Variants in PHYH observed in about 807,000 individuals in gnomAD.
The protein encoded by PHYH is phytanoyl-CoA dioxygenase, peroxisomal.
Under a neutral mutation model 38.5 loss-of-function variants are expected in PHYH, and 32 were observed. The ratio of observed to expected loss-of-function variants is 0.83; its 90% CI spans 0.63 to 1.12. PHYH has a LOEUF of 1.12. Among genes scored for constraint, PHYH ranks in the 50% most tolerant of loss-of-function variants. The pLI, the probability that PHYH is intolerant of heterozygous loss-of-function variation, is 0.00. For synonymous variants in PHYH, 166 were observed against 157.9 expected, an observed-to-expected ratio of 1.05 and a Z score of -0.38; for missense variants, 426 against 434.8, an observed-to-expected ratio of 0.98 and a Z score of 0.18.
At chr10:13,282,895 C>T (rs781133596) in intron 7 of PHYH, among the ~76,000 whole-genome samples, 3 of 152,038 alleles carry the variant, frequency 2.0e-5, no homozygotes, top group Non-Finnish European at 4.4e-5. Context: ...ACTTGTCCCA[C>T]CCTAATCCTG....
intron 2 of PHYH, among the ~76,000 whole-genome samples, chr10:13,296,211 C>A (rs1009285694): frequency 2.6e-5 from 4 of 151,660 alleles, no homozygotes; most frequent in Admixed American, 6.6e-5. Context: ...AGGAAACGTT[C>A]ATGCTCTTCA....
chr10:13,289,499 G>A (rs1435695104), intron 5 of PHYH, among the ~76,000 whole-genome samples: 1 of 152,116 alleles, frequency 6.6e-6, no homozygotes, highest in Non-Finnish European at 1.5e-5. Context: ...CCGGCCTTGT[G>A]CTTTATTCTT....
At chr10:13,298,365 G>A (rs564010152) in intron 1 of PHYH, 120 bp from the exon 2 acceptor site, 7 of 655,790 alleles carry the variant, frequency 1.1e-5, no homozygotes, top group South Asian at 4.5e-5. Context: ...TCAGGAGTTC[G>A]AGACCAGCCT....
Position 13,277,993 on chromosome 10 carries a change from G to A in PHYH, c.*308C>T, listed in dbSNP as rs1835327188. 2.7e-6 allele frequency: 1 copy of A among 373,020 alleles called. No homozygotes were observed. Among genetic ancestry groups the A allele is most frequent in the Non-Finnish European group, 5.1e-6 (1 of 197,006 alleles). 23.1% of individuals were successfully genotyped at this position (373,020 alleles called of 1,614,324 possible). A position where few individuals can be genotyped will look rare whatever the true frequency, so the allele number is the denominator to read the frequency against. ...GCTCCAAATCATTCACTTCTTCTTGGGTAAAGAGCTAACTGAATGAAAGAA... is the reference window on the plus strand; with the variant it reads ...GCTCCAAATCATTCACTTCTTCTTGAGTAAAGAGCTAACTGAATGAAAGAA... On this transcript the variant is annotated 3_prime_UTR_variant, in exon 9 of 9. Transcript: ENST00000263038.
intron 7 of PHYH, 35 bp downstream of exon 7, chr10:13,283,655 A>T (rs1835471196): frequency 6.2e-7 from 1 of 1,608,442 alleles, no homozygotes; most frequent in South Asian, 1.1e-5. Context: ...TCTAACCCAC[A>T]CTTCTGCAGC....
In PHYH at chr10:13,288,526, C is replaced by A. The variant is rs752028596; in HGVS notation, c.512G>T (p.Arg171Leu). The change falls in exon 6 of 9, where the codon CGT (arginine) becomes CTT (leucine). Residue 171 changes from arginine to leucine, a missense_variant. Transcript: ENST00000263038. Reference protein sequence around the residue: ...KPPDSGKKTSRHPLHQDLHYF... With the variant: ...KPPDSGKKTSLHPLHQDLHYF... ...GTGCAGGTCCTGGTGCAGGGGGTGA[C>A]GGGACGTCTTCTTGCCTGAAAAGAA... The A allele has an allele frequency of 6.2e-7, 1 of 1,614,042 alleles. No individual in the cohort carries two copies. The highest frequency in any genetic ancestry group is 8.5e-7 in the Non-Finnish European group (1 of 1,180,012).
rs368465384 is a variant in PHYH at position 13,289,720 on chromosome 10, T to A, written c.497-1179A>T. Among the ~76,000 whole-genome samples, 38 of 151,058 alleles carry A rather than the reference T, an allele frequency of 2.5e-4. No individual in the cohort carries two copies. The East Asian group carries it at 5.7e-3, about 23-fold the overall frequency. Reference sequence around the variant, plus strand: ...GCTGAGGCAGGCAGCTCTCTTGAGGTCAGGAATTTGAGACCAGCCTGGCCA... The same window carrying A: ...GCTGAGGCAGGCAGCTCTCTTGAGGACAGGAATTTGAGACCAGCCTGGCCA... On this transcript the variant is annotated intron_variant, in intron 5 of 8. Transcript: ENST00000263038.
At position 13,278,219 on chromosome 10, in the gene PHYH, T is replaced by A; in HGVS notation, c.*82A>T. 1 of 909,884 alleles carries A rather than the reference T, an allele frequency of 1.1e-6. No homozygotes were observed. Among genetic ancestry groups the A allele is most frequent in the Non-Finnish European group, 1.8e-6 (1 of 542,832 alleles). The allele number at this position is 909,884 out of a possible 1,614,324, so 56.4% of individuals were successfully genotyped here. On this transcript the variant is annotated 3_prime_UTR_variant, in exon 9 of 9. Transcript: ENST00000263038. ...TTAACAAGTGATAGAAAAGGTTACA[T>A]CATCTCATTAAGAAAACATTTTCCT...
intron 2 of PHYH, 100 bp from the exon 3 acceptor site, chr10:13,295,706 C>G: frequency 1.4e-6 from 1 of 694,324 alleles, no homozygotes; most frequent in Non-Finnish European, 2.6e-6. Flanking sequence ...CGGGCCGAGG[C>G]AAGTGGATCA....
rs182580725 is a variant in PHYH, at chr10:13,291,971, C to T, written c.415-59G>A. On this transcript the variant is annotated intron_variant, in intron 4 of 8. Transcript: ENST00000263038. ...TGTGGGAAATCAGAAGTATTGACAA[C>T]TGGTACAAAGTACAGTAGCTATCCA... The T allele has an allele frequency of 6.8e-3, 8,156 of 1,198,980 alleles. 38 individuals are homozygous for T. The highest frequency in any genetic ancestry group is 8.6e-3 in the Non-Finnish European group (7,008 of 816,736). 74.3% of individuals were successfully genotyped at this position (1,198,980 alleles called of 1,614,324 possible). A position where few individuals can be genotyped will look rare whatever the true frequency, so the allele number is the denominator to read the frequency against.
chr10:13,300,020 G>A lies in PHYH; in HGVS notation c.23C>T (p.Ala8Val). Residue 8 changes from alanine (A) to valine (V), a missense_variant, in exon 1 of 9, where the codon GCC becomes GTC. By Grantham distance (64) the Ala-to-Val change is moderately conservative (BLOSUM62 0). Coordinates refer to ENST00000263038, the MANE Select transcript of PHYH (RefSeq NM_006214.4). MEQLRAA[A>V]RLQIVLGHLG... is the part of the protein sequence containing the mutation. ...GTGGCCCAGAACAATCTGCAGACGG[G>A]CGGCGGCGCGAAGCTGCTCCATGGC... 1 of 1,532,400 alleles carries A rather than the reference G, an allele frequency of 6.5e-7. No homozygotes were observed. The highest frequency in any genetic ancestry group is 8.7e-7 in the Non-Finnish European group (1 of 1,144,520). The allele number at this position is 1,532,400 out of a possible 1,614,324, so 94.9% of individuals were successfully genotyped here. A position where few individuals can be genotyped will look rare whatever the true frequency, so the allele number is the denominator to read the frequency against.
chr10:13,286,036 T>C (rs984617127), intron 6 of PHYH, among the ~76,000 whole-genome samples: 6 of 152,124 alleles, frequency 3.9e-5, no homozygotes, highest in African/African-American at 7.2e-5. Flanking sequence ...GCCTCTGGAA[T>C]AGCTGGGACT....
intron 8 of PHYH, among the ~76,000 whole-genome samples, chr10:13,280,295 A>G (rs1190092652): frequency 6.6e-6 from 1 of 151,668 alleles, no homozygotes; most frequent in African/African-American, 2.4e-5. Flanking sequence ...ATTAATAAAC[A>G]TGGCCTATGA....
chr10:13,295,735 A>T, intron 2 of PHYH, 129 bp from the exon 3 acceptor site: 2 of 644,790 alleles, frequency 3.1e-6, no homozygotes, highest in Non-Finnish European at 5.6e-6. Flanking sequence ...CAGGAGTTTG[A>T]GACTAGCCCA....
At chr10:13,285,766 G>A (rs922415587) in intron 6 of PHYH, among the ~76,000 whole-genome samples, 1 of 150,688 alleles carries the variant, frequency 6.6e-6, no homozygotes, top group Non-Finnish European at 1.5e-5. Flanking sequence ...CACCACACCA[G>A]GCTGATTTTG....
chr10:13,296,947 C>T (rs923876599), intron 2 of PHYH, among the ~76,000 whole-genome samples: 3 of 150,102 alleles, frequency 2.0e-5, no homozygotes, highest in African/African-American at 7.4e-5. Context: ...GAGCCAGACT[C>T]GGTCTCAAAA....
chr10:13,283,851 G>A lies in PHYH; in HGVS notation c.679-12C>T, dbSNP rs545816286. 27 of 1,612,088 alleles carry A rather than the reference G, an allele frequency of 1.7e-5. 1 individual carries two copies. The South Asian group carries it at 2.2e-4, about 13-fold the overall frequency. On this transcript the variant is annotated splice_polypyrimidine_tract_variant and intron_variant, in intron 6 of 8. Transcript: ENST00000263038. ...TTGTTAACTCCCCCCTAGAACAAGA[G>A]GCAAGTGAAGTCTACATTTGAGGGA...
intron 1 of PHYH, among the ~76,000 whole-genome samples, chr10:13,298,919 C>CAAAAAT (rs1350401508): frequency 2.0e-5 from 2 of 101,108 alleles, no homozygotes; most frequent in African/African-American, 1.2e-4. Context: ...GACTCCGTCT[C>CAAAAAT]AAAAATAATA....
In PHYH at chr10:13,288,437, G is replaced by A. The variant is rs143957922; in HGVS notation, c.601C>T (p.Arg201Trp). 7 of 1,614,064 alleles carry A rather than the reference G, an allele frequency of 4.3e-6. No homozygotes were observed. Among genetic ancestry groups the A allele is most frequent in the African/African-American group, 2.7e-5 (2 of 74,942 alleles). Residue 201 changes from arginine (R) to tryptophan (W), a missense_variant, in exon 6 of 9, where the codon CGG becomes TGG. Arg to Trp is a moderately radical substitution (Grantham distance 101). Transcript: ENST00000263038. ...CAWTAMEHIS[R>W]NNGCLVVLPG... ...AGCACAACCAGACAGCCGTTGTTCC[G>A]GCTGATGTGCTCCATCGCCGTCCAG... is the stretch of plus-strand genomic sequence containing the variant.
Sources: allele counts gnomAD v4.1 joint callset (sites outside exome capture counted in the v4.1 genomes callset), GRCh38; gene constraint gnomAD v4.1.1; transcripts MANE v1.5; gene names NCBI Gene and HGNC (gene_info 2026-07-23, HGNC 2026-07-21).